The following SALL4 variants were observed in gnomAD, a reference collection of about 807,000 sequenced individuals.
SALL4 encodes the protein sal-like protein 4.
A neutral mutation model predicts 60.8 loss-of-function variants in SALL4; 4 were observed. That is an observed-to-expected ratio of 0.07 (90% CI 0.03 to 0.15). SALL4 has a LOEUF of 0.15. Ranked by LOEUF, SALL4 falls within the 10% of genes least tolerant of loss-of-function variation. The probability of loss-of-function intolerance (pLI) is 1.00; values close to 1 mark genes in which losing one functional copy is unlikely to be tolerated. For synonymous variants in SALL4, 580 were observed against 574.9 expected (o/e 1.01, Z -0.13); for missense variants, 1,178 against 1,394.7 (o/e 0.84, Z 2.48).
Position 51,790,178 on chromosome 20 carries a change from C to T in SALL4, c.2305G>A (p.Asp769Asn), listed in dbSNP as rs1167914286. Reference protein sequence around the residue: ...LTNDSSSLMGDQEYQSRSPDI... With the variant: ...LTNDSSSLMGNQEYQSRSPDI... ...GGGCTTCGGCTCTGATACTCCTGGTCTCCCATCAGCGAGGATGAGTCGTTG... is the reference window on the plus strand; with the variant it reads ...GGGCTTCGGCTCTGATACTCCTGGTTTCCCATCAGCGAGGATGAGTCGTTG... The change falls in exon 2 of 4, where the codon GAC becomes AAC. Residue 769 changes from aspartate (D) to asparagine (N), a missense_variant. Physicochemically the swap from Asp to Asn is conservative, Grantham distance 23. Transcript: ENST00000217086. The surrounding 1 kb of genome is among the most constrained non-coding windows in gnomAD (Gnocchi z 5.5). 6.2e-7 allele frequency: 1 copy of T among 1,614,160 alleles called. No individual in the cohort carries two copies. The highest frequency in any genetic ancestry group is 1.1e-5 in the South Asian group (1 of 91,082).
Position 51,788,755 on chromosome 20 carries a change from C to T in SALL4, c.2742+106G>A. 1 of 1,405,808 alleles carries T rather than the reference C, an allele frequency of 7.1e-7. No individual in the cohort carries two copies. Among genetic ancestry groups the T allele is most frequent in the Non-Finnish European group, 1.0e-6 (1 of 1,003,716 alleles). The allele number at this position is 1,405,808 out of a possible 1,614,324, so 87.1% of individuals were successfully genotyped here. ...ACTCAAGCAATCCTCCCACCTCGGC[C>T]TCCCAAAGGAGGAATGGAAGGATGG... On this transcript the variant is annotated intron_variant, in intron 3 of 3. Coordinates refer to ENST00000217086, the MANE Select transcript of SALL4 (RefSeq NM_020436.5). The surrounding 1 kb of genome is among the most constrained non-coding windows in gnomAD (Gnocchi z 4.1).
chr20:51,791,116 G>C lies in SALL4; in HGVS notation c.1367C>G (p.Pro456Arg), dbSNP rs1403471320. 1.9e-6 allele frequency: 3 copies of C among 1,614,148 alleles called. No individual in the cohort carries two copies. Among genetic ancestry groups the C allele is most frequent in the Admixed American group, 3.3e-5 (2 of 60,018 alleles). The stretch of plus-strand genomic sequence containing the variant: ...GGGGTCAGGTACAGAGAGTGCATAG[G>C]GGATGCCATTGCCGGCCGCCACTTT... ...QDKVAAGNGI[P>R]YALSVPDPID... Residue 456 changes from proline to arginine, a missense_variant, in exon 2 of 4, where the codon CCC becomes CGC. This residue lies in a region of SALL4 where 853 missense variants were observed against 1,036.8 expected (regional missense o/e 0.82). Transcript: ENST00000217086. This position sits in a 1 kb window ranked among gnomAD's most constrained non-coding sequence, Gnocchi z 4.6.
intron 1 of SALL4, among the ~76,000 whole-genome samples, chr20:51,800,886 G>A (rs2078105670): frequency 6.6e-6 from 1 of 152,174 alleles, no homozygotes; most frequent in South Asian, 2.1e-4. Flanking sequence ...TGTTAAACGG[G>A]GAATTCTATT....
chr20:51,802,215 C>T, intron 1 of SALL4, 64 bp downstream of exon 1: 1 of 1,520,382 alleles, frequency 6.6e-7, no homozygotes, highest in Non-Finnish European at 8.8e-7. Context: ...AGCCTGCGCC[C>T]TCGAGGATCC....
At chr20:51,797,992 T>C (rs987612403) in intron 1 of SALL4, among the ~76,000 whole-genome samples, 4 of 152,158 alleles carry the variant, frequency 2.6e-5, no homozygotes, top group African/African-American at 9.7e-5. Flanking sequence ...GAGTAGATTA[T>C]CTAAAGCACA....
intron 1 of SALL4, among the ~76,000 whole-genome samples, chr20:51,795,334 G>A (rs1314010999): frequency 6.6e-6 from 1 of 152,146 alleles, no homozygotes; most frequent in East Asian, 1.9e-4. Context: ...GTGAACCCGG[G>A]AGGCAGAGGT....
chr20:51,792,101 C>A lies in SALL4; in HGVS notation c.382G>T (p.Gly128Cys), dbSNP rs753484859. ...AVLSHQPTSP[G>C]SKDCHRENGG... is the part of the protein sequence containing the mutation. ...TTCTCCCTGTGACAGTCCTTACTGCCGGGACTGGTGGGCTGGTGGCTCAGT... is the reference window on the plus strand; with the variant it reads ...TTCTCCCTGTGACAGTCCTTACTGCAGGGACTGGTGGGCTGGTGGCTCAGT... Residue 128 changes from glycine (G) to cysteine (C), a missense_variant, in exon 2 of 4, where the codon GGC becomes TGC. By Grantham distance (159) the Gly-to-Cys change is radical (BLOSUM62 -3). Transcript: ENST00000217086. 4 of 1,614,146 alleles carry A rather than the reference C, an allele frequency of 2.5e-6. No homozygotes were observed. The highest frequency in any genetic ancestry group is 3.4e-6 in the Non-Finnish European group (4 of 1,180,044).
chr20:51,800,166 G>A (rs1263216805), intron 1 of SALL4, among the ~76,000 whole-genome samples: 2 of 152,076 alleles, frequency 1.3e-5, no homozygotes, highest in Admixed American at 1.3e-4. Context: ...GGGCACAGAC[G>A]ACGATCAAGC....
chr20:51,790,266 G>A lies in SALL4; in HGVS notation c.2217C>T (p.Ala739=). The A allele has an allele frequency of 6.2e-7, 1 of 1,614,148 alleles. No homozygotes were observed. Among genetic ancestry groups the A allele is most frequent in the East Asian group, 2.2e-5 (1 of 44,876 alleles). ...SLDAPGKVGP[A]PFNLQRQGSR... ...TGCCCTGGCGCTGCAGGTTAAAAGG[G>A]GCAGGACCCACTTTCCCTGGGGCAT... is the stretch of plus-strand genomic sequence containing the variant. Residue 739 remains alanine, a synonymous_variant, in exon 2 of 4, where the codon GCC becomes GCT. Coordinates refer to ENST00000217086, the MANE Select transcript of SALL4 (RefSeq NM_020436.5). This position sits in a 1 kb window ranked among gnomAD's most constrained non-coding sequence, Gnocchi z 5.5.
chr20:51,795,017 T>G (rs2122971555), intron 1 of SALL4, among the ~76,000 whole-genome samples: 1 of 152,284 alleles, frequency 6.6e-6, no homozygotes, highest in East Asian at 1.9e-4. Flanking sequence ...TTCTAGGACT[T>G]CCAGAAGTTG....
At position 51,801,319 on chromosome 20, in the gene SALL4, C is replaced by T. The variant is rs956877561; in HGVS notation, c.130+960G>A. 2.6e-5 allele frequency among the ~76,000 whole-genome samples: 4 copies of T among 152,166 alleles called. No individual in the cohort carries two copies. The highest frequency in any genetic ancestry group is 9.7e-5 in the African/African-American group (4 of 41,440). ...ATCTGGGAAACGCTGGCCGCGGAAG[C>T]GTGGGCCAGGTCAGCCGCGGGAGTT... On this transcript the variant is annotated intron_variant, in intron 1 of 3. Coordinates refer to ENST00000217086, the MANE Select transcript of SALL4 (RefSeq NM_020436.5). This position sits in a 1 kb window ranked among gnomAD's most constrained non-coding sequence, Gnocchi z 5.2.
At chr20:51,796,144 A>C (rs1481062087) in intron 1 of SALL4, among the ~76,000 whole-genome samples, 2 of 146,580 alleles carry the variant, frequency 1.4e-5, no homozygotes, top group African/African-American at 5.0e-5. Flanking sequence ...GGTTGCAGTG[A>C]GCCGAGATTG....
In SALL4 at chr20:51,790,307, T is replaced by G. The variant is rs754233620; in HGVS notation, c.2176A>C (p.Met726Leu). The G allele has an allele frequency of 6.2e-7, 1 of 1,614,178 alleles. No individual in the cohort carries two copies. The highest frequency in any genetic ancestry group is 1.1e-5 in the South Asian group (1 of 91,088). The change falls in exon 2 of 4, where the codon ATG (methionine) becomes CTG (leucine). Residue 726 changes from methionine (M) to leucine (L), a missense_variant. Physicochemically the swap from Met to Leu is conservative, Grantham distance 15. Coordinates refer to ENST00000217086, the MANE Select transcript of SALL4 (RefSeq NM_020436.5). The surrounding 1 kb of genome is among the most constrained non-coding windows in gnomAD (Gnocchi z 5.5). ...HSASPTLGFA[M>L]MASLDAPGKV... ...CCTGGGGCATCTAAGGAAGCCATCA[T>G]GGCAAACCCTAGCGTGGGTGATGCC...
chr20:51,784,450 C>G lies in SALL4; in HGVS notation c.2977G>C (p.Gly993Arg), dbSNP rs138891224. 4.8e-5 allele frequency: 77 copies of G among 1,614,074 alleles called. No individual in the cohort carries two copies. Among genetic ancestry groups the G allele is most frequent in the East Asian group, 1.8e-4 (8 of 44,900 alleles). ...GAAACCGGGAGGGTAGGAACCCCCC[C>G]ACTCTGGATCACAGAGATCTCATTG... Reference protein sequence around the residue: ...KTNEISVIQSGGVPTLPVSLG... With the variant: ...KTNEISVIQSRGVPTLPVSLG... Residue 993 changes from glycine to arginine, a missense_variant, in exon 4 of 4, where the codon GGG becomes CGG. Transcript: ENST00000217086.
rs976137504 is a variant in SALL4, at chr20:51,793,235, G to A, written c.131-883C>T. On this transcript the variant is annotated intron_variant, in intron 1 of 3. Transcript: ENST00000217086. The stretch of plus-strand genomic sequence containing the variant: ...CAAATGTGGCTGGGTGCAGTGGCTC[G>A]CACCAGTCATCCCAGCACTTTGAGG... Among the ~76,000 whole-genome samples, 4 of 152,058 alleles carry A rather than the reference G, an allele frequency of 2.6e-5. No homozygotes were observed. In the East Asian group the frequency reaches 5.8e-4, roughly 22 times the overall value.
rs950207396 is a variant in SALL4 at position 51,792,402 on chromosome 20, G to T, written c.131-50C>A. The T allele has an allele frequency of 2.5e-6, 4 of 1,593,702 alleles. No individual in the cohort carries two copies. The African/African-American group carries it at 5.4e-5, about 21-fold the overall frequency. On this transcript the variant is annotated intron_variant, in intron 1 of 3. Transcript: ENST00000217086. Reference sequence around the variant, plus strand: ...GGACTCTGCCCAAGTAAAAGATGTGGGGGGAGCCGGGCACCGTCGCTCACA... The same window carrying T: ...GGACTCTGCCCAAGTAAAAGATGTGTGGGGAGCCGGGCACCGTCGCTCACA...
rs546067423 is a variant in SALL4, at chr20:51,787,027, G to A, written c.2742+1834C>T. Reference sequence around the variant, plus strand: ...GGAGAATCGCTTGAACCCAGGAGGCGGAGGTTGCAGTGAGTCAAGATGGCA... The same window carrying A: ...GGAGAATCGCTTGAACCCAGGAGGCAGAGGTTGCAGTGAGTCAAGATGGCA... On this transcript the variant is annotated intron_variant, in intron 3 of 3. Coordinates refer to ENST00000217086, the MANE Select transcript of SALL4 (RefSeq NM_020436.5). Among the ~76,000 whole-genome samples, 212 of 151,234 alleles carry A rather than the reference G, an allele frequency of 1.4e-3. No homozygotes were observed. The Middle Eastern group carries it at 0.021, about 15-fold the overall frequency.
intron 1 of SALL4, 65 bp downstream of exon 1, chr20:51,802,214 C>T: frequency 6.6e-7 from 1 of 1,514,904 alleles, no homozygotes. Flanking sequence ...AAGCCTGCGC[C>T]CTCGAGGATC....
chr20:51,782,573 A>AAAAAAAAAAAAG lies in SALL4; in HGVS notation c.*1691_*1692insCTTTTTTTTTTT, dbSNP rs57307622. The AAAAAAAAAAAAG allele has an allele frequency of 1.5e-5, 2 of 131,952 alleles. No individual in the cohort carries two copies. The allele number at this position is 131,952 out of a possible 1,614,324, so 8.2% of individuals were successfully genotyped here. A position where few individuals can be genotyped will look rare whatever the true frequency, so the allele number is the denominator to read the frequency against. On this transcript the variant is annotated 3_prime_UTR_variant, in exon 4 of 4. Coordinates refer to ENST00000217086, the MANE Select transcript of SALL4 (RefSeq NM_020436.5). ...GGCAAAAAAAAAAAAAAAAAAAAAA[A>AAAAAAAAAAAAG]AGGGGGGCGGAATCCTAAAGTCAGG...
Sources: gnomAD v4.1 joint callset for allele counts (sites outside exome capture counted in the v4.1 genomes callset) on GRCh38, gnomAD v4.1.1 for gene constraint, gnomAD v4.1.1 regional missense constraint, Gnocchi (gnomAD v3.1) non-coding constraint, MANE v1.5 for transcripts, NCBI Gene and HGNC (gene_info 2026-07-23, HGNC 2026-07-21) for gene names.